CLDN16: variants seen among roughly 807,000 people sequenced by gnomAD.
The protein encoded by CLDN16 is claudin 16.
Under a neutral mutation model 24.6 loss-of-function variants are expected in CLDN16, and 13 were observed. That is an observed-to-expected ratio of 0.53 (90% CI 0.34 to 0.84). The LOEUF is 0.84. CLDN16 is among the 40% of genes least tolerant of loss of function. The pLI is 0.01. For synonymous variants in CLDN16, 116 were observed against 106.7 expected, an observed-to-expected ratio of 1.09 and a Z score of -0.54; for missense variants, 298 against 292.7, an observed-to-expected ratio of 1.02 and a Z score of -0.13.
intron 1 of CLDN16, among the ~76,000 whole-genome samples, chr3:190,338,190 C>G (rs529584201): frequency 6.6e-6 from 1 of 152,226 alleles, no homozygotes; most frequent in South Asian, 2.1e-4. Context: ...AATTTTAGAG[C>G]CTGTGGATCC....
intron 1 of CLDN16, among the ~76,000 whole-genome samples, chr3:190,336,823 A>G (rs1425065817): frequency 2.0e-5 from 3 of 152,240 alleles, no homozygotes; most frequent in Admixed American, 2.0e-4. Flanking sequence ...CAAGAACTGG[A>G]CGCTGGCAGT....
At chr3:190,408,838 TACATATATATAC>T (rs1044570420) in intron 4 of CLDN16, among the ~76,000 whole-genome samples, 2 of 147,696 alleles carry the variant, frequency 1.4e-5, no homozygotes, top group African/African-American at 4.9e-5. Context: ...ATATACTATA[TACATATATATAC>T]ACATATAGTA....
the CLDN16 span, among the ~76,000 whole-genome samples, chr3:190,300,068 G>C: frequency 3.3e-5 from 5 of 152,322 alleles, no homozygotes; most frequent in Non-Finnish European, 7.3e-5. Flanking sequence ...GAAAACCAAA[G>C]CTCTATTGGC....
chr3:190,322,232 T>C, upstream of CLDN16: 1 of 1,606,646 alleles, frequency 6.2e-7, no homozygotes, highest in Non-Finnish European at 8.5e-7. Context: ...CCGCGCTGGC[T>C]CAGGGGTGGC....
chr3:190,305,752 A>C, the CLDN16 span: 8 of 152,190 alleles, frequency 5.3e-5, no homozygotes. Context: ...GTAATGCTTT[A>C]TACAAATTCC....
rs1314373675 is a variant in CLDN16 at position 190,412,002 on chromosome 3, T to G, written c.*1966T>G. 6.6e-6 allele frequency: 1 copy of G among 152,144 alleles called. No individual in the cohort carries two copies. The highest frequency in any genetic ancestry group is 1.9e-4 in the East Asian group (1 of 5,206). 9.4% of individuals were successfully genotyped at this position (152,144 alleles called of 1,614,324 possible). A position where few individuals can be genotyped will look rare whatever the true frequency, so the allele number is the denominator to read the frequency against. On this transcript the variant is annotated 3_prime_UTR_variant, in exon 5 of 5. Coordinates refer to ENST00000264734, the MANE Select transcript of CLDN16 (RefSeq NM_006580.4). ...GAAAGGCAGGACAAAAATAATTAGT[T>G]AATTAGATTTGAAAAATGTAATTTT... is the stretch of plus-strand genomic sequence containing the variant.
intron 1 of CLDN16, among the ~76,000 whole-genome samples, chr3:190,369,875 A>G (rs1718100074): frequency 6.6e-6 from 1 of 151,948 alleles, no homozygotes; most frequent in Non-Finnish European, 1.5e-5. Context: ...GGGAGGAACT[A>G]AATATTATTT....
At chr3:190,313,568 T>G in the CLDN16 span, among the ~76,000 whole-genome samples, 2 of 152,230 alleles carry the variant, frequency 1.3e-5, no homozygotes, top group Non-Finnish European at 2.9e-5. Flanking sequence ...CATGGCTGGA[T>G]AAGCAGTATT....
At chr3:190,376,649 T>C (rs1319289991) in intron 3 of CLDN16, among the ~76,000 whole-genome samples, 2 of 151,946 alleles carry the variant, frequency 1.3e-5, no homozygotes, top group East Asian at 3.9e-4. Flanking sequence ...GCAAACCGAA[T>C]GTATTCGTTT....
At chr3:190,368,106 A>G (rs1488753183) in intron 1 of CLDN16, among the ~76,000 whole-genome samples, 1 of 151,940 alleles carries the variant, frequency 6.6e-6, no homozygotes, top group Non-Finnish European at 1.5e-5. Context: ...TTTGGTATTC[A>G]TACACTGTAC....
At chr3:190,334,410 G>A (rs1717254193) in intron 1 of CLDN16, among the ~76,000 whole-genome samples, 1 of 152,170 alleles carries the variant, frequency 6.6e-6, no homozygotes, top group African/African-American at 2.4e-5. Flanking sequence ...GACTGAGAAG[G>A]GCCCACTATG....
At chr3:190,336,522 C>T (rs559316009) in intron 1 of CLDN16, among the ~76,000 whole-genome samples, 1 of 152,308 alleles carries the variant, frequency 6.6e-6, no homozygotes, top group South Asian at 2.1e-4. Flanking sequence ...AATGATTTAG[C>T]AAGTGCTGTG....
the CLDN16 span, among the ~76,000 whole-genome samples, chr3:190,302,428 C>A: frequency 3.0e-3 from 450 of 152,224 alleles, 1 homozygote; most frequent in African/African-American, 0.01. Context: ...ACTCCAGGGG[C>A]ACCATTTCCA....
the CLDN16 span, chr3:190,307,681 G>A: frequency 5.3e-5 from 8 of 152,216 alleles, no homozygotes; most frequent in Admixed American, 2.0e-4. Flanking sequence ...ATAAGATTAT[G>A]GTAAAAAATA....
intron 1 of CLDN16, among the ~76,000 whole-genome samples, chr3:190,333,579 T>TATCA (rs145712588): frequency 3.5e-5 from 1 of 28,408 alleles, no homozygotes; most frequent in African/African-American, 1.5e-4. Context: ...TCTATCTATC[T>TATCA]ATCAATCATC....
chr3:190,340,490 C>T (rs1330024825), intron 1 of CLDN16, among the ~76,000 whole-genome samples: 13 of 152,166 alleles, frequency 8.5e-5, no homozygotes, highest in East Asian at 7.7e-4. Flanking sequence ...TACTCACTAA[C>T]ATGAGAGGGT....
At chr3:190,377,924 C>A (rs1718279981) in intron 3 of CLDN16, among the ~76,000 whole-genome samples, 1 of 151,900 alleles carries the variant, frequency 6.6e-6, no homozygotes, top group Non-Finnish European at 1.5e-5. Context: ...AAACTCCTTT[C>A]TAGTTTTAAC....
At chr3:190,363,734 T>A (rs1170322371) in intron 1 of CLDN16, among the ~76,000 whole-genome samples, 1 of 151,490 alleles carries the variant, frequency 6.6e-6, no homozygotes, top group Non-Finnish European at 1.5e-5. Context: ...TTGTTTAGTG[T>A]CTTTTACACA....
intron 1 of CLDN16, among the ~76,000 whole-genome samples, chr3:190,335,354 A>T (rs1717277298): frequency 6.6e-6 from 1 of 151,814 alleles, no homozygotes; most frequent in African/African-American, 2.4e-5. Context: ...CTGAGGATGA[A>T]TTCTTCTGAA....
Sources: gnomAD v4.1 joint callset for allele counts (sites outside exome capture counted in the v4.1 genomes callset) on GRCh38, gnomAD v4.1.1 for gene constraint, MANE v1.5 for transcripts, NCBI Gene and HGNC (gene_info 2026-07-23, HGNC 2026-07-21) for gene names.